The following COL4A1 variants were observed in gnomAD, a reference collection of about 807,000 sequenced individuals.
The protein encoded by COL4A1 is collagen type IV alpha 1 chain.
COL4A1 carries 40 observed loss-of-function variants against 216.6 expected under a neutral mutation model. That is an observed-to-expected ratio of 0.18 (90% CI 0.14 to 0.24). The LOEUF (loss-of-function observed/expected upper bound fraction) is 0.24. Among genes scored for constraint, COL4A1 ranks in the 10% least tolerant of loss-of-function variants. The pLI, the probability that COL4A1 is intolerant of heterozygous loss-of-function variation, is 1.00. For missense variants in COL4A1, 1,628 were observed against 2,196.8 expected (o/e 0.74, Z 5.18); for synonymous variants, 839 against 810.7 (o/e 1.03, Z -0.59).
chr13:110,171,065 A>G (rs1387389933), intron 41 of COL4A1, among the ~76,000 whole-genome samples: 1 of 152,250 alleles, frequency 6.6e-6, no homozygotes, highest in South Asian at 2.1e-4. Flanking sequence ...GCTAAACGAA[A>G]GCCTCACTCC....
At chr13:110,278,920 A>T (rs1363895487) in intron 1 of COL4A1, among the ~76,000 whole-genome samples, 1 of 152,006 alleles carries the variant, frequency 6.6e-6, no homozygotes, top group Non-Finnish European at 1.5e-5. Context: ...ACTACAAATC[A>T]TGTTTTTTCC....
chr13:110,271,919 T>G (rs925079643), intron 1 of COL4A1, among the ~76,000 whole-genome samples: 1 of 152,242 alleles, frequency 6.6e-6, no homozygotes, highest in Non-Finnish European at 1.5e-5. Context: ...TTTAAGAATT[T>G]TATTAACTAC....
intron 1 of COL4A1, among the ~76,000 whole-genome samples, chr13:110,256,773 C>A (rs1313290975): frequency 1.3e-5 from 2 of 152,120 alleles, no homozygotes; most frequent in Non-Finnish European, 2.9e-5. Flanking sequence ...CTTTCAGCAA[C>A]AAGGATAGCA....
Position 110,191,619 on chromosome 13 carries a change from G to A in COL4A1, c.1536+595C>T, listed in dbSNP as rs747972545. On this transcript the variant is annotated intron_variant, in intron 24 of 51. Coordinates refer to ENST00000375820, the MANE Select transcript of COL4A1 (RefSeq NM_001845.6). ...GAAAGGTTTCATGTCAATGTGATCC[G>A]GATATTTCATTTATGGATTTGAAAA... is the stretch of plus-strand genomic sequence containing the variant. 6.1e-5 allele frequency: 42 copies of A among 685,038 alleles called. No individual in the cohort carries two copies. The East Asian group carries it at 6.5e-4, about 11-fold the overall frequency. The allele number at this position is 685,038 out of a possible 1,614,324, so 42.4% of individuals were successfully genotyped here.
Position 110,173,885 on chromosome 13 carries a change from G to C in COL4A1, c.3505+15C>G, listed in dbSNP as rs777163075. 6.2e-7 allele frequency: 1 copy of C among 1,614,066 alleles called. No homozygotes were observed. Among genetic ancestry groups the C allele is most frequent in the East Asian group, 2.2e-5 (1 of 44,878 alleles). On this transcript the variant is annotated intron_variant, in intron 40 of 51. Coordinates refer to ENST00000375820, the MANE Select transcript of COL4A1 (RefSeq NM_001845.6). ...CACTGCTGATTCTGATAGGGAATGG[G>C]GCGTTGGGCCATACCTGGTTCACCC...
rs1476577463 is a variant in COL4A1 at position 110,242,704 on chromosome 13, A to G, written c.115T>C (p.Cys39Arg). 1.2e-5 allele frequency: 20 copies of G among 1,614,120 alleles called. No homozygotes were observed. The highest frequency in any genetic ancestry group is 1.7e-5 in the Non-Finnish European group (20 of 1,180,054). ...TGTCCCTTCACTCCATGGCAGTCACATTTGCCACAGCCAGAGCCAGCACAG... is the reference window on the plus strand; with the variant it reads ...TGTCCCTTCACTCCATGGCAGTCACGTTTGCCACAGCCAGAGCCAGCACAG... ...GGCAGSGCGKCDCHGVKGQKG... is the reference protein window; with the variant it reads ...GGCAGSGCGKRDCHGVKGQKG... The change falls in exon 2 of 52, where the codon TGT becomes CGT. Residue 39 changes from cysteine to arginine, a missense_variant. Cys to Arg is a radical substitution (Grantham distance 180). Around this residue, in one of 8 missense-constraint regions of COL4A1, gnomAD observed 74 missense variants for 61.7 expected, o/e 1.20. Transcript: ENST00000375820.
At chr13:110,279,508 T>A (rs1883544165) in intron 1 of COL4A1, among the ~76,000 whole-genome samples, 1 of 152,176 alleles carries the variant, frequency 6.6e-6, no homozygotes, top group African/African-American at 2.4e-5. Context: ...GTTCCCCATA[T>A]CCTGAACCTG....
At chr13:110,222,128 A>AC (rs1880511919) in intron 2 of COL4A1, among the ~76,000 whole-genome samples, 1 of 151,904 alleles carries the variant, frequency 6.6e-6, no homozygotes, top group Non-Finnish European at 1.5e-5. Flanking sequence ...ACACAGCAGC[A>AC]CCCCAGGGCC....
chr13:110,167,910 AACAAATATATATGT>A (rs1330344103), intron 43 of COL4A1, among the ~76,000 whole-genome samples: 1 of 152,226 alleles, frequency 6.6e-6, no homozygotes, highest in Non-Finnish European at 1.5e-5. Flanking sequence ...AAATAACATG[AACAAATATATATGT>A]ATATAAACAT....
chr13:110,293,199 T>C (rs540947804), intron 1 of COL4A1, among the ~76,000 whole-genome samples: 1 of 152,242 alleles, frequency 6.6e-6, no homozygotes, highest in East Asian at 1.9e-4. Context: ...TCCCAAAGCT[T>C]AGGCAAACAT....
chr13:110,217,444 A>AC (rs1880145877), intron 2 of COL4A1, among the ~76,000 whole-genome samples: 1 of 152,146 alleles, frequency 6.6e-6, no homozygotes, highest in South Asian at 2.1e-4. Flanking sequence ...GAGCAACAGG[A>AC]CCCTCGATCA....
chr13:110,201,562 G>GA, intron 18 of COL4A1, 40 bp from the exon 19 acceptor site: 1 of 1,527,140 alleles, frequency 6.5e-7, no homozygotes. Context: ...CGTGGCATGG[G>GA]AATGGCTAGT....
At chr13:110,240,862 T>TTTTTTGG (rs553289878) in intron 2 of COL4A1, among the ~76,000 whole-genome samples, 1 of 152,044 alleles carries the variant, frequency 6.6e-6, no homozygotes, top group Non-Finnish European at 1.5e-5. Flanking sequence ...AAGTTACAAG[T>TTTTTTGG]TTTTTGGTTT....
intron 26 of COL4A1, among the ~76,000 whole-genome samples, chr13:110,186,049 C>T (rs540553811): frequency 3.3e-5 from 5 of 152,272 alleles, no homozygotes; most frequent in East Asian, 1.9e-4. Flanking sequence ...GGCTGCTCAT[C>T]GGGGAAAGCC....
intron 1 of COL4A1, 147 bp downstream of exon 1, chr13:110,306,797 A>C (rs1884744854): frequency 1.5e-6 from 1 of 661,998 alleles, no homozygotes; most frequent in East Asian, 3.5e-5. Context: ...GGGACCCCCA[A>C]CGAACCCCGG....
chr13:110,208,173 A>G (rs2139200010), intron 12 of COL4A1, among the ~76,000 whole-genome samples: 1 of 152,308 alleles, frequency 6.6e-6, no homozygotes, highest in South Asian at 2.1e-4. Context: ...TGCCTGCTTC[A>G]TTGGTCTGAT....
At chr13:110,188,145 G>T (rs151049094) in intron 24 of COL4A1, among the ~76,000 whole-genome samples, 4 of 152,308 alleles carry the variant, frequency 2.6e-5, no homozygotes, top group African/African-American at 9.6e-5. Context: ...AACAGAAAAT[G>T]TTTCCAACAA....
At chr13:110,224,173 C>CT (rs201201561) in intron 2 of COL4A1, among the ~76,000 whole-genome samples, 16 of 151,386 alleles carry the variant, frequency 1.1e-4, no homozygotes, top group East Asian at 7.7e-4. Context: ...GCACAACCGT[C>CT]TTTTTTTTTG....
chr13:110,197,630 C>G (rs768565793), intron 21 of COL4A1, among the ~76,000 whole-genome samples: 2 of 152,242 alleles, frequency 1.3e-5, no homozygotes, highest in African/African-American at 4.8e-5. Context: ...CATTCCCCAT[C>G]GAAGCTGCCA....
Sources: gnomAD v4.1 joint callset for allele counts (sites outside exome capture counted in the v4.1 genomes callset) on GRCh38, gnomAD v4.1.1 for gene constraint, gnomAD v4.1.1 regional missense constraint, MANE v1.5 for transcripts, NCBI Gene and HGNC (gene_info 2026-07-23, HGNC 2026-07-21) for gene names.